Variants in PTPN20 observed in about 807,000 individuals in gnomAD.
The protein encoded by PTPN20 is tyrosine-protein phosphatase non-receptor type 20.
Under a neutral mutation model 35.0 loss-of-function variants are expected in PTPN20, and 9 were observed. The ratio of observed to expected loss-of-function variants is 0.26; its 90% CI spans 0.15 to 0.45. The LOEUF (loss-of-function observed/expected upper bound fraction) is 0.45. PTPN20 is among the 20% of genes least tolerant of loss of function. PTPN20 has a pLI of 1.00. For missense variants in PTPN20, 111 were observed against 312.5 expected, an observed-to-expected ratio of 0.36 and a Z score of 4.86; for synonymous variants, 32 against 100.2, an observed-to-expected ratio of 0.32 and a Z score of 4.06.
chr10:46,981,033 ACTGATTCATGGGCTATGTTTAATGG>A (rs1486636815), intron 7 of PTPN20, among the ~76,000 whole-genome samples: 1 of 148,958 alleles, frequency 6.7e-6, no homozygotes, highest in Non-Finnish European at 1.5e-5. Flanking sequence ...ATAAATGTGT[ACTGATTCATGGGCTATGTTTAATGG>A]CTTAGCTGGA....
chr10:46,918,880 G>A (rs2034015266), intron 1 of PTPN20, among the ~76,000 whole-genome samples: 1 of 126,410 alleles, frequency 7.9e-6, no homozygotes, highest in Non-Finnish European at 1.6e-5. Flanking sequence ...GCTTCATAAT[G>A]TTGTTCAGGT....
At chr10:46,993,414 G>A (rs1263857632) in intron 9 of PTPN20, among the ~76,000 whole-genome samples, 2 of 152,200 alleles carry the variant, frequency 1.3e-5, no homozygotes, top group African/African-American at 4.8e-5. Flanking sequence ...AGAGCTAATT[G>A]TGCAGTAGAC....
intron 5 of PTPN20, among the ~76,000 whole-genome samples, chr10:46,947,615 A>G (rs1425360525): frequency 6.6e-6 from 1 of 151,732 alleles, no homozygotes; most frequent in Non-Finnish European, 1.5e-5. Flanking sequence ...CTCCCCCCAA[A>G]TTTCTCTTGT....
chr10:46,997,672 A>G (rs1050316662), intron 9 of PTPN20, among the ~76,000 whole-genome samples: 46 of 151,974 alleles, frequency 3.0e-4, no homozygotes, highest in Admixed American at 2.7e-3. Context: ...TATCCAACAA[A>G]GGCCTTGGAT....
At chr10:46,948,657 C>T (rs1411852554) in intron 5 of PTPN20, among the ~76,000 whole-genome samples, 11 of 151,898 alleles carry the variant, frequency 7.2e-5, no homozygotes, top group Non-Finnish European at 1.5e-4. Context: ...CTTCCTGTTT[C>T]GTCCTCAGCT....
chr10:47,000,605 G>C (rs1379490884), intron 10 of PTPN20, 71 bp from the exon 11 acceptor site: 9 of 1,574,992 alleles, frequency 5.7e-6, no homozygotes, highest in Non-Finnish European at 7.8e-6. Context: ...AATTACAAAT[G>C]TGTTTTCTGA....
In PTPN20 at chr10:46,999,030, T is replaced by C. The variant is rs944136913; in HGVS notation, c.1135-882T>C. 6.6e-5 allele frequency among the ~76,000 whole-genome samples: 10 copies of C among 152,120 alleles called. No individual in the cohort carries two copies. In the South Asian group the frequency reaches 2.1e-3, roughly 32 times the overall value. ...GAGGAGGGAGGATTGTAGTTTGAGA[T>C]TGCAGTGAAATATGATGACACCGCT... On this transcript the variant is annotated intron_variant, in intron 9 of 10. Coordinates refer to ENST00000374339, the MANE Select transcript of PTPN20 (RefSeq NM_001042357.5).
intron 9 of PTPN20, among the ~76,000 whole-genome samples, chr10:46,992,087 A>G (rs1464308866): frequency 1.3e-5 from 2 of 149,344 alleles, no homozygotes; most frequent in Admixed American, 6.6e-5. Context: ...TCTTTACATA[A>G]TCTCTTATTT....
chr10:47,000,425 T>A (rs1555184672), intron 10 of PTPN20, among the ~76,000 whole-genome samples: 1 of 152,226 alleles, frequency 6.6e-6, no homozygotes, highest in Non-Finnish European at 1.5e-5. Flanking sequence ...AGAATATGGA[T>A]AATGATAAAA....
At chr10:46,926,085 A>T in intron 1 of PTPN20, 1 of 985,442 alleles carries the variant, frequency 1.0e-6, no homozygotes, top group Non-Finnish European at 1.2e-6. Context: ...GTCTTGAGGG[A>T]ATAGGCAGAA....
chr10:46,940,911 A>G (rs2043269279), intron 3 of PTPN20, among the ~76,000 whole-genome samples, 194 bp downstream of exon 3: 1 of 151,852 alleles, frequency 6.6e-6, no homozygotes, highest in Admixed American at 6.6e-5. Flanking sequence ...AATGAATTGC[A>G]TTTTCTAATG....
chr10:46,995,913 C>G lies in PTPN20; in HGVS notation c.1135-3999C>G, dbSNP rs1002707368. 3.3e-5 allele frequency among the ~76,000 whole-genome samples: 5 copies of G among 152,142 alleles called. No individual in the cohort carries two copies. In the South Asian group the frequency reaches 1.0e-3, roughly 31 times the overall value. On this transcript the variant is annotated intron_variant, in intron 9 of 10. Coordinates refer to ENST00000374339, the MANE Select transcript of PTPN20 (RefSeq NM_001042357.5). ...TTTCCCATCTCTGTGGATCCAGGAA[C>G]TGTCTTCTCCTCGTATTTGATTTCT... is the stretch of plus-strand genomic sequence containing the variant.
chr10:46,932,625 G>A, intron 2 of PTPN20, 92 bp downstream of exon 2: 2 of 1,386,196 alleles, frequency 1.4e-6, no homozygotes, highest in Non-Finnish European at 2.0e-6. Flanking sequence ...ACCACCTGTG[G>A]ATTATTATCC....
At chr10:46,932,765 AT>A (rs1240915254) in intron 2 of PTPN20, among the ~76,000 whole-genome samples, 1,571 of 144,196 alleles carry the variant, frequency 0.011, 10 homozygotes, top group African/African-American at 0.026. Flanking sequence ...TTCAAATGGC[AT>A]TTTTTTTTCC....
chr10:46,918,808 G>A (rs1340779715), intron 1 of PTPN20, among the ~76,000 whole-genome samples: 3 of 123,734 alleles, frequency 2.4e-5, no homozygotes, highest in African/African-American at 7.5e-5. Context: ...TGAATGTTCC[G>A]TGTCCACTTT....
intron 1 of PTPN20, among the ~76,000 whole-genome samples, chr10:46,930,373 T>C (rs1216691434): frequency 2.0e-4 from 30 of 151,104 alleles, no homozygotes; most frequent in African/African-American, 6.4e-4. Flanking sequence ...GTCTTGAAAT[T>C]ACTTGATAAA....
chr10:46,976,435 A>T, intron 7 of PTPN20, among the ~76,000 whole-genome samples: 2 of 103,480 alleles, frequency 1.9e-5, no homozygotes, highest in Admixed American at 1.0e-4. Context: ...ATAAACGAAT[A>T]TCCTTGTTGG....
chr10:46,993,163 C>T (rs2058329617), intron 9 of PTPN20, among the ~76,000 whole-genome samples: 1 of 152,174 alleles, frequency 6.6e-6, no homozygotes, highest in South Asian at 2.1e-4. Context: ...TTTTGTATTC[C>T]AGCACATTTG....
At chr10:46,949,557 T>C (rs1182333369) in intron 5 of PTPN20, among the ~76,000 whole-genome samples, 1 of 151,662 alleles carries the variant, frequency 6.6e-6, no homozygotes, top group Non-Finnish European at 1.5e-5. Flanking sequence ...GATTTAGTGT[T>C]TTTTTTTCAA....
Sources: gnomAD v4.1 joint callset for allele counts (sites outside exome capture counted in the v4.1 genomes callset) on GRCh38, gnomAD v4.1.1 for gene constraint, MANE v1.5 for transcripts, NCBI Gene and HGNC (gene_info 2026-07-23, HGNC 2026-07-21) for gene names.